Variants in CACNA1C observed in about 807,000 individuals in gnomAD.
CACNA1C encodes the protein calcium voltage-gated channel subunit alpha1 C.
In CACNA1C, 30 loss-of-function variants were observed where a neutral mutation model predicts 229.0. The observed-to-expected ratio is 0.13, with a 90% CI of 0.10 to 0.18. The LOEUF (loss-of-function observed/expected upper bound fraction) is 0.18, where lower values mean the gene tolerates loss of function less well. Ranked by LOEUF, CACNA1C falls within the 10% of genes least tolerant of loss-of-function variation. The pLI is 1.00. For synonymous variants in CACNA1C, 1,114 were observed against 1,132.5 expected (o/e 0.98, Z 0.33); for missense variants, 1,658 against 2,845.0 (o/e 0.58, Z 9.49).
chr12:2,149,435 A>C (rs746223734), intron 3 of CACNA1C, among the ~76,000 whole-genome samples: 1 of 152,194 alleles, frequency 6.6e-6, no homozygotes, highest in Non-Finnish European at 1.5e-5. Flanking sequence ...TGCAAGACAT[A>C]TCTCTACTGG....
In CACNA1C at chr12:2,097,207, G is replaced by A. The variant is rs560514435; in HGVS notation, c.50-18017G>A. Among the ~76,000 whole-genome samples the A allele has an allele frequency of 1.6e-4, 25 of 152,066 alleles. 1 individual carries two copies. The South Asian group carries it at 3.5e-3, about 22-fold the overall frequency. ...GTCACCCAGGCTGGAGTGCAGTGGC[G>A]CGATCTCGGCTCACTGCAAGCTCCG... is the stretch of plus-strand genomic sequence containing the variant. On this transcript the variant is annotated intron_variant, in intron 1 of 46. Coordinates refer to ENST00000399655, the MANE Select transcript of CACNA1C (RefSeq NM_000719.7).
intron 3 of CACNA1C, among the ~76,000 whole-genome samples, chr12:2,419,951 C>G (rs1005632652): frequency 2.0e-5 from 3 of 152,124 alleles, no homozygotes; most frequent in Non-Finnish European, 4.4e-5. Context: ...TCTCTGTACC[C>G]GCCACCAGTC....
At chr12:2,643,481 T>G (rs958800017) in intron 30 of CACNA1C, among the ~76,000 whole-genome samples, 1 of 152,230 alleles carries the variant, frequency 6.6e-6, no homozygotes, top group African/African-American at 2.4e-5. Flanking sequence ...GCCTCTACCC[T>G]CAGCTTCTGT....
chr12:2,227,622 A>G (rs920251836), intron 3 of CACNA1C, among the ~76,000 whole-genome samples: 5 of 152,216 alleles, frequency 3.3e-5, no homozygotes, highest in African/African-American at 4.8e-5. Flanking sequence ...GCTAAGAACT[A>G]GGCAGAAGCC....
At chr12:2,154,798 TCA>T (rs1202958407) in intron 3 of CACNA1C, among the ~76,000 whole-genome samples, 1 of 152,234 alleles carries the variant, frequency 6.6e-6, no homozygotes, top group African/African-American at 2.4e-5. Flanking sequence ...TACTGTTTTC[TCA>T]CAGTTTCGTT....
At chr12:2,264,035 C>G (rs1409203755) in intron 3 of CACNA1C, among the ~76,000 whole-genome samples, 1 of 152,214 alleles carries the variant, frequency 6.6e-6, no homozygotes, top group Non-Finnish European at 1.5e-5. Flanking sequence ...TCCCAAAGAG[C>G]AGCAGAGTAG....
chr12:2,169,424 A>G (rs1473919273), intron 3 of CACNA1C, among the ~76,000 whole-genome samples: 1 of 152,146 alleles, frequency 6.6e-6, no homozygotes, highest in Non-Finnish European at 1.5e-5. Context: ...GAGGATATTC[A>G]CCAGCATGAT....
At chr12:2,120,589 C>T (rs1209188313) in intron 3 of CACNA1C, among the ~76,000 whole-genome samples, 159 bp downstream of exon 3, 1 of 151,870 alleles carries the variant, frequency 6.6e-6, no homozygotes, top group Non-Finnish European at 1.5e-5. Flanking sequence ...ACTCTTTATT[C>T]AAATCAGCAC....
intron 11 of CACNA1C, among the ~76,000 whole-genome samples, chr12:2,563,756 C>T (rs1343421650): frequency 1.3e-5 from 2 of 152,212 alleles, no homozygotes; most frequent in African/African-American, 2.4e-5. Context: ...CCGTAACAGC[C>T]CAGGTTGGCA....
chr12:2,540,006 G>A (rs1026964418), intron 9 of CACNA1C, among the ~76,000 whole-genome samples: 10 of 152,212 alleles, frequency 6.6e-5, no homozygotes, highest in African/African-American at 2.4e-4. Flanking sequence ...GCAGCTATGT[G>A]GAGAGGGCCA....
intron 29 of CACNA1C, among the ~76,000 whole-genome samples, chr12:2,615,335 A>G (rs2079908701): frequency 6.6e-6 from 1 of 152,272 alleles, no homozygotes; most frequent in South Asian, 2.1e-4. Flanking sequence ...AGATACTCTT[A>G]TAGATTTGAT....
intron 3 of CACNA1C, among the ~76,000 whole-genome samples, chr12:2,306,303 C>A (rs893544433): frequency 6.6e-6 from 1 of 152,222 alleles, no homozygotes; most frequent in African/African-American, 2.4e-5. Context: ...TCAGCCTGTG[C>A]GCTCTGCCGT....
intron 9 of CACNA1C, among the ~76,000 whole-genome samples, chr12:2,540,778 C>A (rs966600225): frequency 6.6e-6 from 1 of 152,194 alleles, no homozygotes; most frequent in Non-Finnish European, 1.5e-5. Flanking sequence ...GTGAGGAGGG[C>A]AGCCCGGTGT....
chr12:2,256,357 C>T (rs911877226), intron 3 of CACNA1C, among the ~76,000 whole-genome samples: 3 of 152,322 alleles, frequency 2.0e-5, no homozygotes, highest in Non-Finnish European at 2.9e-5. Context: ...ATAATTGGAA[C>T]TGTTTTGCTA....
intron 13 of CACNA1C, among the ~76,000 whole-genome samples, chr12:2,570,513 G>A (rs1020492194): frequency 2.6e-5 from 4 of 152,118 alleles, no homozygotes; most frequent in Non-Finnish European, 1.5e-5. Context: ...ATTATTAGAA[G>A]GAAGAAAGAG....
chr12:2,157,240 C>T (rs1034775871), intron 3 of CACNA1C, among the ~76,000 whole-genome samples: 1 of 152,122 alleles, frequency 6.6e-6, no homozygotes, highest in African/African-American at 2.4e-5. Context: ...AAACATGCTT[C>T]AAAACATGTT....
chr12:2,026,467 G>A (rs977296050), intron 1 of CACNA1C, among the ~76,000 whole-genome samples: 2 of 152,182 alleles, frequency 1.3e-5, no homozygotes, highest in African/African-American at 4.8e-5. Context: ...GCCAGACAAT[G>A]ACACCAGCAA....
At chr12:2,131,896 A>C (rs1357523622) in intron 3 of CACNA1C, among the ~76,000 whole-genome samples, 2 of 147,080 alleles carry the variant, frequency 1.4e-5, no homozygotes, top group Non-Finnish European at 3.0e-5. Context: ...TACCTTGGGC[A>C]GTATGGCCAT....
intron 3 of CACNA1C, among the ~76,000 whole-genome samples, chr12:2,138,441 G>C (rs2093775785): frequency 6.6e-6 from 1 of 151,152 alleles, no homozygotes; most frequent in South Asian, 2.1e-4. Context: ...GCAGCTCACA[G>C]TGTGGAGGTG....
Sources: allele counts gnomAD v4.1 joint callset (sites outside exome capture counted in the v4.1 genomes callset), GRCh38; gene constraint gnomAD v4.1.1; transcripts MANE v1.5; gene names NCBI Gene and HGNC (gene_info 2026-07-23, HGNC 2026-07-21).